Variants in CDH13 observed in about 807,000 individuals in gnomAD.
CDH13 encodes cadherin 13.
Under a neutral mutation model 63.8 loss-of-function variants are expected in CDH13, and 24 were observed. The observed-to-expected ratio is 0.38, with a 90% CI of 0.27 to 0.53. The LOEUF (loss-of-function observed/expected upper bound fraction) is 0.53. Ranked by LOEUF, CDH13 falls within the 20% of genes least tolerant of loss-of-function variation. CDH13 has a pLI of 0.85. For synonymous variants in CDH13, 503 were observed against 355.3 expected (o/e 1.42, Z -4.67); for missense variants, 1,049 against 903.1 (o/e 1.16, Z -2.07).
intron 1 of CDH13, among the ~76,000 whole-genome samples, chr16:82,674,859 C>T (rs1025721496): frequency 2.6e-5 from 4 of 152,128 alleles, no homozygotes; most frequent in Non-Finnish European, 5.9e-5. Context: ...AATAAGTTAT[C>T]TCTTTATAGA....
rs1904726467 is a variant in CDH13 at position 83,243,922 on chromosome 16, T to G, written c.636+26425T>G. 5.9e-5 allele frequency among the ~76,000 whole-genome samples: 9 copies of G among 152,282 alleles called. No individual in the cohort carries two copies. The South Asian group carries it at 1.9e-3, about 32-fold the overall frequency. On this transcript the variant is annotated intron_variant, in intron 5 of 13. Coordinates refer to ENST00000567109, the MANE Select transcript of CDH13 (RefSeq NM_001257.5). ...AGAGTAACATCACCATTTGAAGTGT[T>G]TTCTTCTTCATTAACTATGAAGCCC... is the stretch of plus-strand genomic sequence containing the variant.
At chr16:83,768,835 G>A (rs825251) in intron 11 of CDH13, among the ~76,000 whole-genome samples, 86,649 of 151,856 alleles carry the variant, frequency 0.57, 25,388 homozygotes, top group Admixed American at 0.65. Context: ...GGTTTTAGCC[G>A]TCTTCTTTAT....
chr16:83,153,646 G>A (rs996526227), intron 4 of CDH13, among the ~76,000 whole-genome samples: 1 of 152,180 alleles, frequency 6.6e-6, no homozygotes, highest in Non-Finnish European at 1.5e-5. Context: ...TGTTTTCACT[G>A]TCTCAGTCAT....
chr16:83,178,664 C>T (rs1041537470), intron 4 of CDH13, among the ~76,000 whole-genome samples: 6 of 152,216 alleles, frequency 3.9e-5, no homozygotes, highest in South Asian at 2.1e-4. Flanking sequence ...TAATTTTTCC[C>T]GCTCTGTGTT....
At chr16:82,863,928 G>C (rs1252011430) in intron 2 of CDH13, among the ~76,000 whole-genome samples, 1 of 152,090 alleles carries the variant, frequency 6.6e-6, no homozygotes, top group Non-Finnish European at 1.5e-5. Context: ...TTTTTTAAAA[G>C]TAAGTAAATG....
intron 2 of CDH13, among the ~76,000 whole-genome samples, chr16:82,906,275 T>C (rs760537232): frequency 6.6e-6 from 1 of 152,168 alleles, no homozygotes; most frequent in African/African-American, 2.4e-5. Context: ...CCACTAAGCT[T>C]ATAGCTTAGC....
chr16:83,460,842 TA>T (rs36001774), intron 6 of CDH13, among the ~76,000 whole-genome samples: 15 of 140,596 alleles, frequency 1.1e-4, no homozygotes, highest in African/African-American at 2.9e-4. Context: ...TACAAATAAT[TA>T]AAAAAAAAAA....
At chr16:83,742,551 T>G (rs1183802892) in intron 10 of CDH13, among the ~76,000 whole-genome samples, 1 of 152,196 alleles carries the variant, frequency 6.6e-6, no homozygotes, top group Non-Finnish European at 1.5e-5. Flanking sequence ...ACGCTAGTAT[T>G]TTTACACTGA....
chr16:83,488,661 G>T (rs1598137927), intron 7 of CDH13, among the ~76,000 whole-genome samples: 1 of 151,216 alleles, frequency 6.6e-6, no homozygotes, highest in East Asian at 1.9e-4. Flanking sequence ...GTCTTGCTCT[G>T]TCACCCAGGT....
intron 2 of CDH13, among the ~76,000 whole-genome samples, chr16:82,860,755 G>A (rs1169968780): frequency 1.3e-5 from 2 of 152,094 alleles, no homozygotes; most frequent in Admixed American, 6.5e-5. Flanking sequence ...GCCTAAATGA[G>A]GAAGAAAATT....
intron 2 of CDH13, among the ~76,000 whole-genome samples, chr16:82,944,586 AG>A (rs1305582805): frequency 6.6e-6 from 1 of 152,150 alleles, no homozygotes; most frequent in African/African-American, 2.4e-5. Context: ...TAGTGGGTGA[AG>A]GCCAGGGGTG....
chr16:83,123,644 G>C (rs1429696751), intron 3 of CDH13, among the ~76,000 whole-genome samples: 2 of 152,016 alleles, frequency 1.3e-5, no homozygotes, highest in Non-Finnish European at 2.9e-5. Flanking sequence ...CTTTGCTATT[G>C]TGAATAGTGC....
intron 1 of CDH13, among the ~76,000 whole-genome samples, chr16:82,715,999 G>C (rs1370798878): frequency 6.6e-6 from 1 of 152,196 alleles, no homozygotes; most frequent in African/African-American, 2.4e-5. Context: ...TCAGGAGTCA[G>C]CTTCCCTGCA....
chr16:83,648,627 C>G (rs1031014840), intron 8 of CDH13, among the ~76,000 whole-genome samples: 4 of 152,138 alleles, frequency 2.6e-5, no homozygotes, highest in Middle Eastern at 3.2e-3. Flanking sequence ...TCTACTGACA[C>G]CGACCCCCTG....
intron 3 of CDH13, among the ~76,000 whole-genome samples, chr16:83,085,150 A>C (rs937050148): frequency 1.3e-5 from 2 of 151,814 alleles, no homozygotes; most frequent in African/African-American, 4.8e-5. Flanking sequence ...ACAGTTCCAC[A>C]TGGCTGGGGA....
chr16:82,736,418 T>A (rs1432484470), intron 1 of CDH13, among the ~76,000 whole-genome samples: 1 of 152,190 alleles, frequency 6.6e-6, no homozygotes, highest in African/African-American at 2.4e-5. Flanking sequence ...GGCTGTTACA[T>A]GTCAGACACA....
chr16:82,897,678 A>G (rs1443494881), intron 2 of CDH13, among the ~76,000 whole-genome samples: 3 of 152,244 alleles, frequency 2.0e-5, no homozygotes, highest in African/African-American at 7.2e-5. Context: ...CTTAGCTATT[A>G]ATGCTGTACA....
intron 6 of CDH13, among the ~76,000 whole-genome samples, chr16:83,412,692 C>G (rs1334671948): frequency 6.6e-6 from 1 of 152,138 alleles, no homozygotes; most frequent in African/African-American, 2.4e-5. Flanking sequence ...AATGTATGCA[C>G]TACTCAAAAT....
intron 5 of CDH13, among the ~76,000 whole-genome samples, chr16:83,283,118 G>T (rs966683992): frequency 1.3e-5 from 2 of 152,058 alleles, no homozygotes; most frequent in Non-Finnish European, 2.9e-5. Context: ...TAGAAACCCT[G>T]ACTCATTCAG....
Sources: gnomAD v4.1 joint callset for allele counts (sites outside exome capture counted in the v4.1 genomes callset) on GRCh38, gnomAD v4.1.1 for gene constraint, MANE v1.5 for transcripts, NCBI Gene and HGNC (gene_info 2026-07-23, HGNC 2026-07-21) for gene names.